ZNF500: variants seen among roughly 807,000 people sequenced by gnomAD.
ZNF500 encodes the protein zinc finger protein 500, also known as zinc finger protein with KRAB and SCAN domains 18.
ZNF500 carries 31 observed loss-of-function variants against 30.1 expected under a neutral mutation model. That is an observed-to-expected ratio of 1.03 (90% CI 0.77 to 1.39). The LOEUF (loss-of-function observed/expected upper bound fraction) is 1.39. Ranked by LOEUF, ZNF500 falls within the 40% of genes most tolerant of loss-of-function variation. The probability of loss-of-function intolerance (pLI) is 0.00; values close to 1 mark genes in which losing one functional copy is unlikely to be tolerated. For missense variants in ZNF500, 817 were observed against 657.8 expected, an observed-to-expected ratio of 1.24 and a Z score of -2.65; for synonymous variants, 392 against 282.0, an observed-to-expected ratio of 1.39 and a Z score of -3.91.
rs2082101788 is a variant in ZNF500, at chr16:4,753,029, C to T, written c.790G>A (p.Asp264Asn). 2.0e-6 allele frequency: 3 copies of T among 1,532,422 alleles called. No individual in the cohort carries two copies. Among genetic ancestry groups the T allele is most frequent in the African/African-American group, 1.4e-5 (1 of 72,930 alleles). The allele number at this position is 1,532,422 out of a possible 1,614,324, so 94.9% of individuals were successfully genotyped here. The part of the protein sequence containing the change: ...GPGIQLEDGG[D>N]GREDAPLRME... ...CTCAACGGGGCATCCTCCCTGCCAT[C>T]ACCGCCGTCCTCCAACTGGATCCCA... The change falls in exon 6 of 6, where the codon GAT becomes AAT. Residue 264 changes from aspartate (D) to asparagine (N), a missense_variant. Physicochemically the swap from Asp to Asn is conservative, Grantham distance 23. Coordinates refer to ENST00000219478, the MANE Select transcript of ZNF500 (RefSeq NM_021646.4).
At chr16:4,744,732 A>G (rs1219597391), downstream of ZNF500, 5 of 1,084,644 alleles carry the variant, frequency 4.6e-6, no homozygotes, top group Non-Finnish European at 6.5e-6. Context: ...CTGAGTAGGG[A>G]GAGGGCTGGG....
downstream of ZNF500, chr16:4,744,886 C>T (rs761514054): frequency 6.0e-5 from 97 of 1,613,242 alleles, 1 homozygote; most frequent in South Asian, 8.6e-4. Flanking sequence ...TGGTGCCGAG[C>T]GCCCACAACA....
chr16:4,765,677 A>C lies in ZNF500; in HGVS notation c.302T>G (p.Val101Gly). The C allele has an allele frequency of 6.2e-7, 1 of 1,613,640 alleles. No individual in the cohort carries two copies. The highest frequency in any genetic ancestry group is 8.5e-7 in the Non-Finnish European group (1 of 1,179,976). ...ELLVLEQFLTVLPGEIQARVR... is the reference protein window; with the variant it reads ...ELLVLEQFLTGLPGEIQARVR... ...CCGAGCCTGGATCTCCCCCGGCAGCACAGTCAGGAACTGCTCCAGCACCAG... is the reference window on the plus strand; with the variant it reads ...CCGAGCCTGGATCTCCCCCGGCAGCCCAGTCAGGAACTGCTCCAGCACCAG... The change falls in exon 2 of 6, where the codon GTG (valine) becomes GGG (glycine). Residue 101 changes from valine (V) to glycine (G), a missense_variant. Transcript: ENST00000219478.
At position 4,760,555 on chromosome 16, in the gene ZNF500, G is replaced by C. The variant is rs781002026; in HGVS notation, c.697C>G (p.Leu233Val). ...ATGCATCTTGGCTCCTCCCCAGAAA[G>C]GTATACAGCCACGTCCTCCAAGTTC... Reference protein sequence around the residue: ...PVNLEDVAVYLSGEEPRCMDP... With the variant: ...PVNLEDVAVYVSGEEPRCMDP... Residue 233 changes from leucine (L) to valine (V), a missense_variant, in exon 5 of 6, where the codon CTT becomes GTT. Transcript: ENST00000219478. The C allele has an allele frequency of 5.0e-6, 8 of 1,613,504 alleles. No individual in the cohort carries two copies. Among genetic ancestry groups the C allele is most frequent in the African/African-American group, 1.3e-5 (1 of 74,904 alleles).
intron 5 of ZNF500, among the ~76,000 whole-genome samples, chr16:4,755,670 A>G (rs578137304): frequency 1.3e-5 from 2 of 152,316 alleles, no homozygotes; most frequent in African/African-American, 2.4e-5. Flanking sequence ...AAGGTAAACA[A>G]GAGTCATTAT....
downstream of ZNF500, chr16:4,747,607 T>C (rs1185683878): frequency 7.5e-6 from 12 of 1,607,790 alleles, no homozygotes; most frequent in Non-Finnish European, 1.0e-5. Flanking sequence ...CCCTGATGCC[T>C]CCTCTGGAGC....
In ZNF500 at chr16:4,752,470, G is replaced by C. The variant is rs1388535500; in HGVS notation, c.1349C>G (p.Thr450Ser). The change falls in exon 6 of 6, where the codon ACC becomes AGC. Residue 450 changes from threonine to serine, a missense_variant. Transcript: ENST00000219478. ...GGTCCGCTGGTGCTTGTGCAGGTCG[G>C]TGCCCCGGCGGAAGCCCCGGCCACA... ...PACGRGFRRG[T>S]DLHKHQRTHM... 1.9e-6 allele frequency: 3 copies of C among 1,544,420 alleles called. No individual in the cohort carries two copies. The highest frequency in any genetic ancestry group is 2.4e-5 in the East Asian group (1 of 41,194).
intron 2 of ZNF500, among the ~76,000 whole-genome samples, chr16:4,765,014 G>A (rs961872911): frequency 1.3e-5 from 2 of 151,360 alleles, no homozygotes; most frequent in African/African-American, 2.4e-5. Flanking sequence ...CAAAACCTAT[G>A]TTTGGGGCTG....
chr16:4,748,385 AT>A lies in ZNF500; in HGVS notation c.*3990del, dbSNP rs1272406936. The A allele has an allele frequency of 6.6e-6, 1 of 152,074 alleles. No individual in the cohort carries two copies. Among genetic ancestry groups the A allele is most frequent in the African/African-American group, 2.4e-5 (1 of 41,378 alleles). 9.4% of individuals were successfully genotyped at this position (152,074 alleles called of 1,614,324 possible). A position where few individuals can be genotyped will look rare whatever the true frequency, so the allele number is the denominator to read the frequency against. ...ACTTTTTGAAAGAGGAGTAACGAGAATTTGCTTTCTCTTTCTCTTCTTTACC... is the reference window on the plus strand; with the variant it reads ...ACTTTTTGAAAGAGGAGTAACGAGAATTGCTTTCTCTTTCTCTTCTTTACC... On this transcript the variant is annotated 3_prime_UTR_variant, in exon 6 of 6. Coordinates refer to ENST00000219478, the MANE Select transcript of ZNF500 (RefSeq NM_021646.4).
At chr16:4,765,544 G>A in intron 2 of ZNF500, 21 bp downstream of exon 2, 3 of 1,563,048 alleles carry the variant, frequency 1.9e-6, no homozygotes, top group Non-Finnish European at 2.6e-6. Context: ...CTCACCTGAG[G>A]GTCAAAATGC....
chr16:4,762,346 G>A lies in ZNF500; in HGVS notation c.599-11C>T, dbSNP rs1379444247. 3.7e-6 allele frequency: 6 copies of A among 1,601,012 alleles called. No homozygotes were observed. The highest frequency in any genetic ancestry group is 5.1e-6 in the Non-Finnish European group (6 of 1,173,986). ...GGGGAGCTGGAGGGCCTGGGAAGGA[G>A]CAGAGTCACCACCAGTCACACAGCT... On this transcript the variant is annotated splice_polypyrimidine_tract_variant and intron_variant, in intron 3 of 5. Coordinates refer to ENST00000219478, the MANE Select transcript of ZNF500 (RefSeq NM_021646.4).
In ZNF500 at chr16:4,752,047, C is replaced by A. The variant is rs997668312; in HGVS notation, c.*329G>T. On this transcript the variant is annotated 3_prime_UTR_variant, in exon 6 of 6. Transcript: ENST00000219478. ...CTGGATGCTGGAGGCAGCTGATGGACCCTCCCAGGCCCTTCAGGAGCCAGC... is the reference window on the plus strand; with the variant it reads ...CTGGATGCTGGAGGCAGCTGATGGAACCTCCCAGGCCCTTCAGGAGCCAGC... 1 of 1,274,570 alleles carries A rather than the reference C, an allele frequency of 7.8e-7. No individual in the cohort carries two copies. The highest frequency in any genetic ancestry group is 3.8e-5 in the Admixed American group (1 of 26,138). 79.0% of individuals were successfully genotyped at this position (1,274,570 alleles called of 1,614,324 possible). A position where few individuals can be genotyped will look rare whatever the true frequency, so the allele number is the denominator to read the frequency against.
downstream of ZNF500, chr16:4,746,550 T>C: frequency 6.3e-7 from 1 of 1,592,084 alleles, no homozygotes; most frequent in Non-Finnish European, 8.6e-7. Context: ...CAGCCTCTAC[T>C]TTGCAGAGTT....
rs2082045882 is a variant in ZNF500 at position 4,748,367 on chromosome 16, G to T, written c.*4009C>A. On this transcript the variant is annotated 3_prime_UTR_variant, in exon 6 of 6. Coordinates refer to ENST00000219478, the MANE Select transcript of ZNF500 (RefSeq NM_021646.4). ...CAGCCTGGCTTTTAATGAACTTTTTGAAAGAGGAGTAACGAGAATTTGCTT... is the reference window on the plus strand; with the variant it reads ...CAGCCTGGCTTTTAATGAACTTTTTTAAAGAGGAGTAACGAGAATTTGCTT... 6.6e-6 allele frequency: 1 copy of T among 151,818 alleles called. No individual in the cohort carries two copies. The highest frequency in any genetic ancestry group is 6.6e-5 in the Admixed American group (1 of 15,204). The allele number at this position is 151,818 out of a possible 1,614,324, so 9.4% of individuals were successfully genotyped here.
downstream of ZNF500, chr16:4,746,740 C>A (rs1003974683): frequency 6.1e-5 from 46 of 750,362 alleles, no homozygotes; most frequent in Non-Finnish European, 1.7e-5. Flanking sequence ...TAGAGCCCAA[C>A]ACGTCTAGGC....
chr16:4,752,388 A>C lies in ZNF500; in HGVS notation c.1431T>G (p.Gly477=). ...TLQPVAPGGP[G]AKA ...TCAGGCCTGGTGATCAGGCTTTGGC[A>C]CCGGGGCCTCCAGGAGCCACCGGCT... The change falls in exon 6 of 6, where the codon GGT becomes GGG. Residue 477 remains glycine (G), a synonymous_variant. Coordinates refer to ENST00000219478, the MANE Select transcript of ZNF500 (RefSeq NM_021646.4). 8 of 1,505,218 alleles carry C rather than the reference A, an allele frequency of 5.3e-6. No individual in the cohort carries two copies. The highest frequency in any genetic ancestry group is 7.1e-6 in the Non-Finnish European group (8 of 1,130,098). The allele number at this position is 1,505,218 out of a possible 1,614,324, so 93.2% of individuals were successfully genotyped here.
rs1429336420 is a variant in ZNF500 at position 4,765,625 on chromosome 16, A to T, written c.354T>A (p.Gly118=). ...ARVREQQPES[G]EEAVVLVEGL... is the part of the protein sequence containing the mutation. ...CTTCCACAAGGACCACGGCCTCCTC[A>T]CCGCTCTCCGGCTGCTGCTCGCGTA... Residue 118 remains glycine, a synonymous_variant, in exon 2 of 6, where the codon GGT becomes GGA. Coordinates refer to ENST00000219478, the MANE Select transcript of ZNF500 (RefSeq NM_021646.4). The T allele has an allele frequency of 1.2e-6, 2 of 1,613,116 alleles. No homozygotes were observed. Among genetic ancestry groups the T allele is most frequent in the African/African-American group, 2.7e-5 (2 of 74,834 alleles).
At chr16:4,758,521 C>G (rs1254540385) in intron 5 of ZNF500, 1 of 152,244 alleles carries the variant, frequency 6.6e-6, no homozygotes, top group Non-Finnish European at 1.5e-5. Context: ...GTTCCTCAAT[C>G]ACGGTGCAGG....
Position 4,751,673 on chromosome 16 carries a change from C to T in ZNF500, c.*703G>A, listed in dbSNP as rs1296328306. ...CAGAATGTGACCTTATTTGGAAACA[C>T]GGGTTTTGATGATATAATTAGTTAA... On this transcript the variant is annotated 3_prime_UTR_variant, in exon 6 of 6. Coordinates refer to ENST00000219478, the MANE Select transcript of ZNF500 (RefSeq NM_021646.4). 29 of 1,527,240 alleles carry T rather than the reference C, an allele frequency of 1.9e-5. No individual in the cohort carries two copies. In the East Asian group the frequency reaches 4.6e-4, roughly 24 times the overall value. 94.6% of individuals were successfully genotyped at this position (1,527,240 alleles called of 1,614,324 possible).
Sources: allele counts gnomAD v4.1 joint callset (sites outside exome capture counted in the v4.1 genomes callset), GRCh38; gene constraint gnomAD v4.1.1; transcripts MANE v1.5; gene names NCBI Gene and HGNC (gene_info 2026-07-23, HGNC 2026-07-21).